TULP4: variants seen among roughly 807,000 people sequenced by gnomAD.
TULP4 encodes the protein TUB like protein 4, also known as tubby-related protein 4.
Under a neutral mutation model 129.0 loss-of-function variants are expected in TULP4, and 16 were observed. The ratio of observed to expected loss-of-function variants is 0.12; its 90% CI spans 0.08 to 0.19. The LOEUF is 0.19. Among genes scored for constraint, TULP4 ranks in the 10% least tolerant of loss-of-function variants. The pLI is 1.00. For synonymous variants in TULP4, 998 were observed against 854.0 expected (o/e 1.17, Z -2.94); for missense variants, 1,842 against 2,059.1 (o/e 0.89, Z 2.04).
chr6:158,284,968 G>A (rs111669351), intron 1 of TULP4, among the ~76,000 whole-genome samples: 2,368 of 152,168 alleles, frequency 0.016, 65 homozygotes, highest in African/African-American at 0.055. Context: ...CTTTGTCTTC[G>A]TCTTTAATGA....
chr6:158,318,389 G>C (rs1261154515), intron 1 of TULP4, among the ~76,000 whole-genome samples: 1 of 152,136 alleles, frequency 6.6e-6, no homozygotes, highest in Non-Finnish European at 1.5e-5. Context: ...CCAGGATGTG[G>C]GACTGTCGGT....
chr6:158,317,601 A>G (rs951506465), intron 1 of TULP4, among the ~76,000 whole-genome samples: 3 of 152,042 alleles, frequency 2.0e-5, no homozygotes, highest in Non-Finnish European at 2.9e-5. Context: ...AGTTTTTGCT[A>G]TTGTGAATAG....
intron 1 of TULP4, among the ~76,000 whole-genome samples, chr6:158,303,089 G>A (rs1309059692): frequency 6.7e-6 from 1 of 149,126 alleles, no homozygotes; most frequent in African/African-American, 2.5e-5. Flanking sequence ...TATGGTGCAG[G>A]TGGGCTGTTG....
intron 1 of TULP4, among the ~76,000 whole-genome samples, chr6:158,335,917 G>A (rs538274708): frequency 2.6e-5 from 4 of 152,212 alleles, no homozygotes; most frequent in Non-Finnish European, 5.9e-5. Context: ...TGAATAATTT[G>A]TGTGTATGTT....
intron 2 of TULP4, among the ~76,000 whole-genome samples, chr6:158,424,859 G>C (rs1778438178): frequency 6.6e-6 from 1 of 151,904 alleles, no homozygotes; most frequent in African/African-American, 2.4e-5. Context: ...GGAAATGCAA[G>C]TTAGACAATG....
intron 6 of TULP4, among the ~76,000 whole-genome samples, chr6:158,464,849 C>G (rs562410487): frequency 6.6e-6 from 1 of 152,328 alleles, no homozygotes; most frequent in Admixed American, 6.5e-5. Context: ...GAAGGAGATT[C>G]TCTACAAAAT....
intron 3 of TULP4, among the ~76,000 whole-genome samples, 156 bp from the exon 4 acceptor site, chr6:158,448,840 C>T (rs1460687958): frequency 6.6e-6 from 1 of 152,220 alleles, no homozygotes; most frequent in East Asian, 1.9e-4. Context: ...AGCAGAGGTT[C>T]TACTTAACAT....
intron 12 of TULP4, among the ~76,000 whole-genome samples, chr6:158,499,283 G>A (rs375174570): frequency 1.4e-4 from 22 of 152,140 alleles, no homozygotes; most frequent in East Asian, 7.7e-4. Context: ...CAAATCTGCC[G>A]TGTCCAGGAC....
At chr6:158,232,916 C>T (rs1195950728) in intron 1 of TULP4, among the ~76,000 whole-genome samples, 1 of 152,234 alleles carries the variant, frequency 6.6e-6, no homozygotes, top group Non-Finnish European at 1.5e-5. Context: ...GGCGCTTCTG[C>T]TGTCTGGAGT....
At chr6:158,337,961 G>T (rs1420324913) in intron 1 of TULP4, among the ~76,000 whole-genome samples, 1 of 152,080 alleles carries the variant, frequency 6.6e-6, no homozygotes, top group Non-Finnish European at 1.5e-5. Flanking sequence ...AAGGTCAAGT[G>T]GGTAAAGTCA....
intron 3 of TULP4, among the ~76,000 whole-genome samples, chr6:158,435,095 G>A (rs781620380): frequency 6.6e-6 from 1 of 152,188 alleles, no homozygotes; most frequent in Non-Finnish European, 1.5e-5. Flanking sequence ...GAGAGCTCCT[G>A]CAGTGAGGCA....
intron 1 of TULP4, among the ~76,000 whole-genome samples, chr6:158,264,612 G>C (rs535063922): frequency 1.3e-5 from 2 of 152,052 alleles, no homozygotes; most frequent in African/African-American, 4.8e-5. Context: ...AGTCCCTGAC[G>C]CTACTAGATT....
rs1297770589 is a variant in TULP4 at position 158,503,088 on chromosome 6, C to T, written c.3425C>T (p.Thr1142Ile). 7 of 1,614,140 alleles carry T rather than the reference C, an allele frequency of 4.3e-6. No homozygotes were observed. The highest frequency in any genetic ancestry group is 2.2e-5 in the East Asian group (1 of 44,874). Reference sequence around the variant, plus strand: ...GTTCCTCAAGAAAGGACAGCACAGACTTCAGGGCCCAACCCCTTAAAACTG... The same window carrying T: ...GTTCCTCAAGAAAGGACAGCACAGATTTCAGGGCCCAACCCCTTAAAACTG... Reference protein sequence around the residue: ...VWVPQERTAQTSGPNPLKLSS... With the variant: ...VWVPQERTAQISGPNPLKLSS... Residue 1142 changes from threonine to isoleucine, a missense_variant, in exon 13 of 14, where the codon ACT (threonine) becomes ATT (isoleucine). Thr to Ile is a moderately conservative substitution (Grantham distance 89, BLOSUM62 -1). Coordinates refer to ENST00000367097, the MANE Select transcript of TULP4 (RefSeq NM_020245.5). This position sits in a 1 kb window ranked among gnomAD's most constrained non-coding sequence, Gnocchi z 4.3.
At chr6:158,239,519 T>C (rs1777809437) in intron 1 of TULP4, among the ~76,000 whole-genome samples, 1 of 54,764 alleles carries the variant, frequency 1.8e-5, no homozygotes, top group African/African-American at 6.1e-5. Context: ...GGCTCCTCAC[T>C]TCCCAGTAAG....
intron 1 of TULP4, among the ~76,000 whole-genome samples, chr6:158,346,658 G>A (rs1780319484): frequency 1.3e-5 from 2 of 152,156 alleles, no homozygotes; most frequent in Non-Finnish European, 2.9e-5. Flanking sequence ...GCACCAAAAA[G>A]TTCAGTGTTT....
At chr6:158,377,311 T>A (rs186506445) in intron 1 of TULP4, among the ~76,000 whole-genome samples, 1 of 152,312 alleles carries the variant, frequency 6.6e-6, no homozygotes, top group African/African-American at 2.4e-5. Flanking sequence ...TAGGTATGAT[T>A]TTATATGTGC....
rs756878769 is a variant in TULP4, at chr6:158,510,882, C to G, written c.*4188C>G. The stretch of plus-strand genomic sequence containing the variant: ...AGGTTTCTTGAAAAGGAAAGTTTGG[C>G]CCAGCAACTGGAGAAGGAGTCCATG... On this transcript the variant is annotated 3_prime_UTR_variant, in exon 14 of 14. Coordinates refer to ENST00000367097, the MANE Select transcript of TULP4 (RefSeq NM_020245.5). 7 of 152,182 alleles carry G rather than the reference C, an allele frequency of 4.6e-5. No individual in the cohort carries two copies. The highest frequency in any genetic ancestry group is 8.8e-5 in the Non-Finnish European group (6 of 68,036). 9.4% of individuals were successfully genotyped at this position (152,182 alleles called of 1,614,324 possible). A position where few individuals can be genotyped will look rare whatever the true frequency, so the allele number is the denominator to read the frequency against.
intron 2 of TULP4, among the ~76,000 whole-genome samples, chr6:158,418,987 T>C (rs1778276976): frequency 6.6e-6 from 1 of 152,248 alleles, no homozygotes; most frequent in African/African-American, 2.4e-5. Flanking sequence ...GCATTATCTT[T>C]GCAAAATGAA....
In TULP4 at chr6:158,313,944, C is replaced by A; in HGVS notation, c.-73C>A. 6.4e-7 allele frequency: 1 copy of A among 1,550,516 alleles called. No individual in the cohort carries two copies. The highest frequency in any genetic ancestry group is 8.7e-7 in the Non-Finnish European group (1 of 1,146,554). ...AAGCCAACCACAAAAACACATATACCAATGAAAGAAATTGGTTTAAATTTC... is the reference window on the plus strand; with the variant it reads ...AAGCCAACCACAAAAACACATATACAAATGAAAGAAATTGGTTTAAATTTC... On this transcript the variant is annotated 5_prime_UTR_variant, in exon 1 of 14. Coordinates refer to ENST00000367097, the MANE Select transcript of TULP4 (RefSeq NM_020245.5).
Sources: allele counts gnomAD v4.1 joint callset (sites outside exome capture counted in the v4.1 genomes callset), GRCh38; gene constraint gnomAD v4.1.1; non-coding constraint Gnocchi (gnomAD v3.1); transcripts MANE v1.5; gene names NCBI Gene and HGNC (gene_info 2026-07-23, HGNC 2026-07-21).